The following ZC3H14 variants were observed in gnomAD, a reference collection of about 807,000 sequenced individuals.
The protein encoded by ZC3H14 is zinc finger CCCH domain-containing protein 14.
Under a neutral mutation model 92.4 loss-of-function variants are expected in ZC3H14, and 31 were observed. The ratio of observed to expected loss-of-function variants is 0.34; its 90% confidence interval spans 0.25 to 0.45. The LOEUF (loss-of-function observed/expected upper bound fraction) is 0.45. ZC3H14 is among the 20% of genes least tolerant of loss of function. ZC3H14 has a pLI of 1.00. For missense variants in ZC3H14, 781 were observed against 897.3 expected, an observed-to-expected ratio of 0.87 and a Z score of 1.66; for synonymous variants, 321 against 300.9, an observed-to-expected ratio of 1.07 and a Z score of -0.69.
intron 12 of ZC3H14, among the ~76,000 whole-genome samples, chr14:88,603,352 T>C (rs2084906958): frequency 6.6e-6 from 1 of 152,202 alleles, no homozygotes; most frequent in South Asian, 2.1e-4. Context: ...GTTGCCTTCT[T>C]TACCTTTGTA....
chr14:88,605,940 A>G (rs1036426367), intron 12 of ZC3H14, among the ~76,000 whole-genome samples: 1 of 152,246 alleles, frequency 6.6e-6, no homozygotes, highest in Non-Finnish European at 1.5e-5. Context: ...AAGTTAGCTA[A>G]CATTTGCACA....
chr14:88,616,135 T>C lies in ZC3H14; in HGVS notation c.*4384T>C. The C allele has an allele frequency of 6.2e-7, 1 of 1,613,620 alleles. No individual in the cohort carries two copies. Among genetic ancestry groups the C allele is most frequent in the Non-Finnish European group, 8.5e-7 (1 of 1,179,584 alleles). ...TCTGCTCTTCATGGGCTGAGAAAGT[T>C]ACTAACCTGCAGTCATCACCTCCAG... On this transcript the variant is annotated 3_prime_UTR_variant, in exon 17 of 17. Coordinates refer to ENST00000251038, the MANE Select transcript of ZC3H14 (RefSeq NM_024824.5).
intron 3 of ZC3H14, among the ~76,000 whole-genome samples, chr14:88,570,454 T>C (rs998452317): frequency 6.6e-6 from 1 of 152,206 alleles, no homozygotes; most frequent in African/African-American, 2.4e-5. Context: ...TGAAATGATA[T>C]AGCATAGTTT....
intron 2 of ZC3H14, 95 bp downstream of exon 2, chr14:88,563,788 T>C (rs1186707391): frequency 1.2e-5 from 14 of 1,178,786 alleles, no homozygotes; most frequent in Non-Finnish European, 1.8e-5. Context: ...CTTTGGACAT[T>C]GGGAGAGACT....
chr14:88,605,587 G>C (rs886067067), intron 12 of ZC3H14, among the ~76,000 whole-genome samples: 1 of 152,172 alleles, frequency 6.6e-6, no homozygotes, highest in African/African-American at 2.4e-5. Context: ...GCCCGCCTCG[G>C]CCTCCCAAAG....
chr14:88,565,221 A>G (rs1299350519), intron 2 of ZC3H14, among the ~76,000 whole-genome samples: 1 of 152,134 alleles, frequency 6.6e-6, no homozygotes, highest in Non-Finnish European at 1.5e-5. Context: ...GGCTCACTGC[A>G]AGCTCTGCCT....
intron 3 of ZC3H14, 142 bp from the exon 4 acceptor site, chr14:88,570,942 C>G (rs1344723711): frequency 1.8e-6 from 1 of 567,676 alleles, no homozygotes; most frequent in East Asian, 4.0e-5. Flanking sequence ...ACAGTGAAAC[C>G]CCATCTCTAT....
chr14:88,587,616 C>CT (rs1342003148), intron 9 of ZC3H14, among the ~76,000 whole-genome samples: 1 of 152,090 alleles, frequency 6.6e-6, no homozygotes, highest in African/African-American at 2.4e-5. Context: ...TCGATTGACT[C>CT]TAAGTTGAGA....
chr14:88,582,031 CTACTTT>C (rs2139758661), intron 9 of ZC3H14, among the ~76,000 whole-genome samples: 1 of 152,316 alleles, frequency 6.6e-6, no homozygotes, highest in South Asian at 2.1e-4. Context: ...TTGTCCGTGG[CTACTTT>C]CATACTACAG....
rs2088922385 is a variant in ZC3H14 at position 88,621,472 on chromosome 14, C to G, written c.*9721C>G. The G allele has an allele frequency of 3.1e-6, 2 of 654,208 alleles. No individual in the cohort carries two copies. Among genetic ancestry groups the G allele is most frequent in the Admixed American group, 5.4e-5 (2 of 36,998 alleles). The allele number at this position is 654,208 out of a possible 1,614,324, so 40.5% of individuals were successfully genotyped here. A position where few individuals can be genotyped will look rare whatever the true frequency, so the allele number is the denominator to read the frequency against. ...AAATTTTTCTATGACTACAGGCACA[C>G]ATCTATCTGTAAGCACAATGGGCTA... On this transcript the variant is annotated 3_prime_UTR_variant, in exon 17 of 17. Coordinates refer to ENST00000251038, the MANE Select transcript of ZC3H14 (RefSeq NM_024824.5).
At chr14:88,600,519 G>A (rs1310032340) in intron 10 of ZC3H14, among the ~76,000 whole-genome samples, 2 of 149,666 alleles carry the variant, frequency 1.3e-5, no homozygotes, top group Non-Finnish European at 3.0e-5. Flanking sequence ...CCTGCTCATT[G>A]CAGCCTTGAC....
At chr14:88,569,860 T>C (rs2080167263) in intron 3 of ZC3H14, among the ~76,000 whole-genome samples, 1 of 152,204 alleles carries the variant, frequency 6.6e-6, no homozygotes, top group Admixed American at 6.6e-5. Flanking sequence ...TGTATAGTGG[T>C]CATCAGTTGT....
chr14:88,591,885 A>C (rs188673451), intron 9 of ZC3H14: 4 of 152,338 alleles, frequency 2.6e-5, no homozygotes, highest in Admixed American at 2.6e-4. Flanking sequence ...TAGGAGCCAG[A>C]CTACCGAAGG....
In ZC3H14 at chr14:88,601,918, G is replaced by A. The variant is rs1297694029; in HGVS notation, c.1355-6G>A. On this transcript the variant is annotated splice_polypyrimidine_tract_variant and splice_region_variant and intron_variant, in intron 10 of 16. Coordinates refer to ENST00000251038, the MANE Select transcript of ZC3H14 (RefSeq NM_024824.5). ...TAAACATTTGTGGCCAATTTTTTTG[G>A]CTCAGATTACTATGACATGGAATCC... The A allele has an allele frequency of 6.2e-7, 1 of 1,613,608 alleles. No individual in the cohort carries two copies. The highest frequency in any genetic ancestry group is 8.5e-7 in the Non-Finnish European group (1 of 1,179,806).
chr14:88,601,105 TTTTGGG>T (rs2084582530), intron 10 of ZC3H14, among the ~76,000 whole-genome samples: 1 of 152,178 alleles, frequency 6.6e-6, no homozygotes, highest in South Asian at 2.1e-4. Context: ...TTCACATCCC[TTTTGGG>T]TCATGCTATT....
At chr14:88,610,801 G>A in intron 15 of ZC3H14, 33 bp from the exon 16 acceptor site, 1 of 1,577,248 alleles carries the variant, frequency 6.3e-7, no homozygotes, top group African/African-American at 1.3e-5. Context: ...TTAGCCTTGT[G>A]GATATTGTTG....
At chr14:88,568,806 C>T (rs935460799) in intron 3 of ZC3H14, among the ~76,000 whole-genome samples, 1 of 152,160 alleles carries the variant, frequency 6.6e-6, no homozygotes, top group Non-Finnish European at 1.5e-5. Context: ...GTGTAAAGTA[C>T]TTATAGGTGT....
At chr14:88,610,979 T>G (rs1390702181) in intron 16 of ZC3H14, 39 bp downstream of exon 16, 1 of 1,565,036 alleles carries the variant, frequency 6.4e-7, no homozygotes, top group Non-Finnish European at 8.8e-7. Context: ...TCAGTTCAAA[T>G]TCTTTTTTCT....
intron 9 of ZC3H14, among the ~76,000 whole-genome samples, chr14:88,580,251 G>A (rs1416253433): frequency 1.3e-5 from 2 of 152,178 alleles, no homozygotes; most frequent in African/African-American, 4.8e-5. Context: ...GTTGCAGTGA[G>A]CCATGATCAT....
Sources: gnomAD v4.1 joint callset for allele counts (sites outside exome capture counted in the v4.1 genomes callset) on GRCh38, gnomAD v4.1.1 for gene constraint, MANE v1.5 for transcripts, NCBI Gene and HGNC (gene_info 2026-07-23, HGNC 2026-07-21) for gene names.